The following FHL2 variants were observed in gnomAD, a reference collection of about 807,000 sequenced individuals.
FHL2 encodes the protein four and a half LIM domains 2, also known as four and a half LIM domains protein 2.
In FHL2, 20 loss-of-function variants were observed where a neutral mutation model predicts 32.7. The observed-to-expected ratio is 0.61, with a 90% CI of 0.43 to 0.89. The LOEUF is 0.89. FHL2 is among the 40% of genes least tolerant of loss of function. The pLI is 0.00. For missense variants in FHL2, 311 were observed against 358.6 expected (o/e 0.87, Z 1.07); for synonymous variants, 123 against 128.1 (o/e 0.96, Z 0.27).
In FHL2 at chr2:105,421,974, TC is replaced by T. The variant is rs748587112; in HGVS notation, c.-25+16424del. ...TCACTGGTACATCTTTTTGTTCCCA[TC>T]AGCTTTTTGCCCCTCCTGGGGTCCT... On this transcript the variant is annotated intron_variant, in intron 1 of 5. Coordinates refer to the FHL2 transcript ENST00000393352. Among the ~76,000 whole-genome samples the T allele has an allele frequency of 2.6e-5, 4 of 152,344 alleles. No homozygotes were observed. In the East Asian group the frequency reaches 5.8e-4, roughly 22 times the overall value.
At chr2:105,413,779 C>T (rs1234131820) in intron 1 of FHL2, among the ~76,000 whole-genome samples, 5 of 152,222 alleles carry the variant, frequency 3.3e-5, no homozygotes, top group African/African-American at 1.2e-4. Flanking sequence ...CACGCCCAAC[C>T]CCAAGCTGTT....
At chr2:105,426,163 G>A (rs114362074) in intron 1 of FHL2, among the ~76,000 whole-genome samples, 83 of 152,114 alleles carry the variant, frequency 5.5e-4, no homozygotes, top group African/African-American at 2.0e-3. Context: ...GCTTTTACCC[G>A]GTGCATTTGT....
chr2:105,401,840 G>A (rs912311287), upstream of FHL2, among the ~76,000 whole-genome samples: 2 of 152,070 alleles, frequency 1.3e-5, no homozygotes, highest in Admixed American at 6.6e-5. Context: ...AAGGACGGGG[G>A]AAGACAATGT....
At chr2:105,404,368 G>A (rs1348523856) in intron 1 of FHL2, among the ~76,000 whole-genome samples, 1 of 152,200 alleles carries the variant, frequency 6.6e-6, no homozygotes. Flanking sequence ...GCGGGAAGGG[G>A]TCAGGAGTGA....
intron 1 of FHL2, among the ~76,000 whole-genome samples, chr2:105,418,841 A>G (rs962916725): frequency 6.6e-6 from 1 of 152,202 alleles, no homozygotes; most frequent in Non-Finnish European, 1.5e-5. Context: ...GCATATTGTT[A>G]TAATTGTTCT....
chr2:105,392,111 C>T (rs1347882560), intron 2 of FHL2, among the ~76,000 whole-genome samples: 5 of 152,174 alleles, frequency 3.3e-5, no homozygotes, highest in Non-Finnish European at 7.3e-5. Flanking sequence ...AGGTGCAGCT[C>T]GGAGGTCTGG....
intron 2 of FHL2, among the ~76,000 whole-genome samples, chr2:105,393,304 G>A (rs2104613665): frequency 6.6e-6 from 1 of 152,252 alleles, no homozygotes; most frequent in Middle Eastern, 3.4e-3. Context: ...GGAGAAATCT[G>A]TGAACGTCCC....
rs138552458 is a variant in FHL2, at chr2:105,367,446, G to A, written c.501+124C>T. ...AATGCTCAGAATGTAAGGCAGGACA[G>A]GCACAGCTCCCACGCCACTTAAGTA... On this transcript the variant is annotated intron_variant, in intron 5 of 6. Coordinates refer to ENST00000530340, the MANE Select transcript of FHL2 (RefSeq NM_001318895.3). 5,209 of 964,852 alleles carry A rather than the reference G, an allele frequency of 5.4e-3. 17 individuals carry two copies. The highest frequency in any genetic ancestry group is 6.9e-3 in the Non-Finnish European group (4,439 of 639,066). The allele number at this position is 964,852 out of a possible 1,614,324, so 59.8% of individuals were successfully genotyped here. A position where few individuals can be genotyped will look rare whatever the true frequency, so the allele number is the denominator to read the frequency against.
intron 1 of FHL2, among the ~76,000 whole-genome samples, chr2:105,409,272 T>C (rs1168209256): frequency 1.3e-5 from 2 of 152,222 alleles, no homozygotes; most frequent in Non-Finnish European, 2.9e-5. Flanking sequence ...ACTTGGCAGC[T>C]GTGCAATTTA....
In FHL2 at chr2:105,422,152, T is replaced by C. The variant is rs13415377; in HGVS notation, c.-25+16247A>G. The stretch of plus-strand genomic sequence containing the variant: ...GTTGTGGACCAGAAAGGAAAAGCCA[T>C]AGTAAGAAACAGCTGTTTGGCTTGA... On this transcript the variant is annotated intron_variant, in intron 1 of 5. Transcript: ENST00000393352. Among the ~76,000 whole-genome samples, 554 of 152,320 alleles carry C rather than the reference T, an allele frequency of 3.6e-3. 4 individuals are homozygous for C. The highest frequency in any genetic ancestry group is 0.012 in the African/African-American group (507 of 41,572).
chr2:105,375,399 G>T (rs953775252), intron 3 of FHL2: 1 of 152,184 alleles, frequency 6.6e-6, no homozygotes, highest in South Asian at 2.1e-4. Context: ...TATTGCTGAC[G>T]CAAGACGATA....
intron 4 of FHL2, among the ~76,000 whole-genome samples, chr2:105,369,632 T>C (rs1680881986): frequency 6.6e-6 from 1 of 152,172 alleles, no homozygotes; most frequent in Non-Finnish European, 1.5e-5. Context: ...CATGAAGCAA[T>C]TGAAATTCAA....
intron 6 of FHL2, 36 bp from the exon 7 acceptor site, chr2:105,361,470 A>G: frequency 1.9e-6 from 3 of 1,593,110 alleles, no homozygotes; most frequent in Non-Finnish European, 2.6e-6. Flanking sequence ...GGATGAAGAA[A>G]GTTAGAATCA....
At chr2:105,394,237 G>T (rs1682953109) in intron 2 of FHL2, among the ~76,000 whole-genome samples, 1 of 151,964 alleles carries the variant, frequency 6.6e-6, no homozygotes, top group South Asian at 2.1e-4. Context: ...AAACGGAGAG[G>T]GCCATCATGT....
chr2:105,369,288 T>G (rs1021117276), intron 4 of FHL2, among the ~76,000 whole-genome samples: 1 of 152,196 alleles, frequency 6.6e-6, no homozygotes, highest in African/African-American at 2.4e-5. Flanking sequence ...TATAGACTAG[T>G]CCATAGCTCT....
intron 1 of FHL2, among the ~76,000 whole-genome samples, chr2:105,424,140 G>T (rs1317710728): frequency 6.6e-6 from 1 of 152,106 alleles, no homozygotes; most frequent in Non-Finnish European, 1.5e-5. Context: ...CTGACAAAGG[G>T]CTAATATCCA....
chr2:105,380,660 T>C (rs916839811), intron 3 of FHL2, among the ~76,000 whole-genome samples: 3 of 152,182 alleles, frequency 2.0e-5, no homozygotes, highest in South Asian at 2.1e-4. Flanking sequence ...GTAACAGAGA[T>C]AGCACTTCGA....
chr2:105,366,924 T>C (rs543636486), intron 5 of FHL2, among the ~76,000 whole-genome samples: 1 of 152,208 alleles, frequency 6.6e-6, no homozygotes, highest in African/African-American at 2.4e-5. Flanking sequence ...TTGTGTATTT[T>C]TAGTAGAGAT....
At chr2:105,364,261 A>G (rs1409849040) in intron 5 of FHL2, among the ~76,000 whole-genome samples, 1 of 149,646 alleles carries the variant, frequency 6.7e-6, no homozygotes, top group East Asian at 1.9e-4. Context: ...CTCAAAAACA[A>G]AACAAAACAA....
Sources: allele counts gnomAD v4.1 joint callset (sites outside exome capture counted in the v4.1 genomes callset), GRCh38; gene constraint gnomAD v4.1.1; transcripts MANE v1.5; gene names NCBI Gene and HGNC (gene_info 2026-07-23, HGNC 2026-07-21).